Variants in SETD2 observed in about 807,000 individuals in gnomAD.
The protein encoded by SETD2 is histone-lysine N-methyltransferase SETD2.
Under a neutral mutation model 242.1 loss-of-function variants are expected in SETD2, and 31 were observed. The observed-to-expected ratio is 0.13, with a 90% confidence interval of 0.10 to 0.17. SETD2 has a LOEUF of 0.17. Ranked by LOEUF, SETD2 falls within the 10% of genes least tolerant of loss-of-function variation. The pLI is 1.00. For synonymous variants in SETD2, 1,006 were observed against 1,066.5 expected, an observed-to-expected ratio of 0.94 and a Z score of 1.11; for missense variants, 2,481 against 3,046.3, an observed-to-expected ratio of 0.81 and a Z score of 4.37.
At chr3:47,146,653 T>C (rs2043863144) in intron 1 of SETD2, among the ~76,000 whole-genome samples, 1 of 150,116 alleles carries the variant, frequency 6.7e-6, no homozygotes, top group Non-Finnish European at 1.5e-5. Context: ...TTCCTTCATA[T>C]AGGCCAGGCA....
intron 1 of SETD2, among the ~76,000 whole-genome samples, chr3:47,138,053 G>C (rs1199505394): frequency 3.6e-4 from 49 of 136,096 alleles, no homozygotes; most frequent in East Asian, 1.4e-3. Flanking sequence ...CTCACTGCAA[G>C]CTCCGCCTCC....
intron 17 of SETD2, 102 bp from the exon 18 acceptor site, chr3:47,037,879 G>T: frequency 1.2e-6 from 1 of 819,116 alleles, no homozygotes; most frequent in Non-Finnish European, 2.1e-6. Flanking sequence ...CATACAATAA[G>T]ACATAGAATA....
chr3:47,089,178 G>A (rs565059962), intron 9 of SETD2, among the ~76,000 whole-genome samples: 1 of 152,302 alleles, frequency 6.6e-6, no homozygotes, highest in African/African-American at 2.4e-5. Flanking sequence ...GGGCATGGTG[G>A]CTCACACTTG....
intron 1 of SETD2, among the ~76,000 whole-genome samples, chr3:47,138,803 T>A (rs1022059069): frequency 1.7e-4 from 26 of 152,276 alleles, no homozygotes; most frequent in South Asian, 8.3e-4. Flanking sequence ...TGGTCTCAAG[T>A]GATCTGCCCA....
chr3:47,019,860 C>A lies in SETD2; in HGVS notation c.7351-20G>T, dbSNP rs1368030680. The A allele has an allele frequency of 6.2e-7, 1 of 1,605,318 alleles. No homozygotes were observed. The highest frequency in any genetic ancestry group is 2.2e-5 in the East Asian group (1 of 44,824). Reference sequence around the variant, plus strand: ...CGAGGCCTAAAAATGGAGGAGAAAACACAGTGGTGCTGGCATGAGAAGTCA... The same window carrying A: ...CGAGGCCTAAAAATGGAGGAGAAAAAACAGTGGTGCTGGCATGAGAAGTCA... On this transcript the variant is annotated intron_variant, in intron 18 of 20. Coordinates refer to ENST00000409792, the MANE Select transcript of SETD2 (RefSeq NM_014159.7).
At chr3:47,063,545 C>T (rs1006616675) in intron 13 of SETD2, among the ~76,000 whole-genome samples, 1 of 152,104 alleles carries the variant, frequency 6.6e-6, no homozygotes, top group Non-Finnish European at 1.5e-5. Context: ...GTATTAATAA[C>T]CTTCTTAATT....
chr3:47,110,719 C>T (rs1244878290), intron 5 of SETD2, among the ~76,000 whole-genome samples: 1 of 152,042 alleles, frequency 6.6e-6, no homozygotes, highest in South Asian at 2.1e-4. Flanking sequence ...TGGTATTACA[C>T]ATCATCATGT....
At position 47,122,397 on chromosome 3, in the gene SETD2, T is replaced by C. The variant is rs771436044; in HGVS notation, c.2239A>G (p.Arg747Gly). 4 of 1,614,014 alleles carry C rather than the reference T, an allele frequency of 2.5e-6. No homozygotes were observed. Among genetic ancestry groups the C allele is most frequent in the Non-Finnish European group, 3.4e-6 (4 of 1,179,994 alleles). ...GGTGACACCAGAGGTTCTGTTTCTC[T>C]AAATGGGCTTTCTGACTTCTTATGC... is the stretch of plus-strand genomic sequence containing the variant. ...MLHKKSESPF[R>G]ETEPLVSPHQ... The change falls in exon 3 of 21, where the codon AGA (arginine) becomes GGA (glycine). Residue 747 changes from arginine (R) to glycine (G), a missense_variant. By Grantham distance (125) the Arg-to-Gly change is moderately radical. Around this residue, in one of 17 missense-constraint regions of SETD2, gnomAD observed 1,300 missense variants for 1,259.2 expected, o/e 1.03. Transcript: ENST00000409792.
chr3:47,049,555 G>T (rs2039709514), intron 15 of SETD2, among the ~76,000 whole-genome samples: 1 of 146,536 alleles, frequency 6.8e-6, no homozygotes, highest in Admixed American at 6.8e-5. Context: ...TGTATTTTTA[G>T]TAGAGATGGG....
At chr3:47,072,034 C>A (rs144339561) in intron 12 of SETD2, among the ~76,000 whole-genome samples, 2 of 152,118 alleles carry the variant, frequency 1.3e-5, no homozygotes, top group African/African-American at 4.8e-5. Context: ...ATTGGTGGGG[C>A]GCAGTGGCTC....
At chr3:47,095,924 T>C (rs1487207763) in intron 9 of SETD2, among the ~76,000 whole-genome samples, 1 of 152,172 alleles carries the variant, frequency 6.6e-6, no homozygotes. Flanking sequence ...ATCTCATTTC[T>C]TTTTCTTTTT....
At position 47,088,191 on chromosome 3, in the gene SETD2, G is replaced by A. The variant is rs1352654027; in HGVS notation, c.5199C>T (p.Asn1733=). Residue 1733 remains asparagine (N), a synonymous_variant, in exon 10 of 21, where the codon AAC becomes AAT. Coordinates refer to ENST00000409792, the MANE Select transcript of SETD2 (RefSeq NM_014159.7). ...MENGEGLSDK[N]QVLSLSRLMV... is the part of the protein sequence containing the mutation. Reference sequence around the variant, plus strand: ...TTAGCCGGGATAAGCTGAGCACCTGGTTTTTATCAGAGAGACCCTCACCAT... The same window carrying A: ...TTAGCCGGGATAAGCTGAGCACCTGATTTTTATCAGAGAGACCCTCACCAT... 1 of 1,613,572 alleles carries A rather than the reference G, an allele frequency of 6.2e-7. No homozygotes were observed. Among genetic ancestry groups the A allele is most frequent in the South Asian group, 1.1e-5 (1 of 91,066 alleles).
intron 9 of SETD2, among the ~76,000 whole-genome samples, chr3:47,088,884 T>C (rs1323120190): frequency 2.0e-5 from 3 of 152,262 alleles, no homozygotes; most frequent in African/African-American, 7.2e-5. Flanking sequence ...TTCATAAGAA[T>C]GTTCATTGAA....
rs2106675011 is a variant in SETD2 at position 47,122,311 on chromosome 3, A to C, written c.2325T>G (p.Val775=). Reference sequence around the variant, plus strand: ...AAACCCTCGTATCAACTGGTTCTTTAACTACTGTTTTGGAATAATCCACAG... The same window carrying C: ...AAACCCTCGTATCAACTGGTTCTTTCACTACTGTTTTGGAATAATCCACAG... The part of the protein sequence containing the change: ...VMTVDYSKTV[V]KEPVDTRVSC... The change falls in exon 3 of 21, where the codon GTT becomes GTG. Residue 775 remains valine (V), a synonymous_variant. Transcript: ENST00000409792. 6.2e-7 allele frequency: 1 copy of C among 1,614,194 alleles called. No individual in the cohort carries two copies. Among genetic ancestry groups the C allele is most frequent in the Non-Finnish European group, 8.5e-7 (1 of 1,180,020 alleles).
chr3:47,152,638 C>T (rs867302075), intron 1 of SETD2, among the ~76,000 whole-genome samples: 21 of 152,248 alleles, frequency 1.4e-4, no homozygotes, highest in Middle Eastern at 6.8e-3. Context: ...ACAAGTTAGA[C>T]CACGGATTCA....
intron 1 of SETD2, among the ~76,000 whole-genome samples, chr3:47,159,775 G>A (rs554967662): frequency 2.6e-5 from 4 of 152,234 alleles, no homozygotes; most frequent in South Asian, 4.1e-4. Flanking sequence ...AGGAGTTCAA[G>A]ACCAGCGTGG....
At chr3:47,064,621 G>A (rs1200966361) in intron 13 of SETD2, 1 of 418,414 alleles carries the variant, frequency 2.4e-6, no homozygotes, top group Admixed American at 2.8e-5. Flanking sequence ...CATTTATTCA[G>A]GCTGATTTCC....
chr3:47,114,124 GTATGAC>G, intron 4 of SETD2, 120 bp from the exon 5 acceptor site: 1 of 980,410 alleles, frequency 1.0e-6, no homozygotes, highest in South Asian at 1.7e-5. Context: ...ATTAGCATAT[GTATGAC>G]TAACCCCCAA....
chr3:47,066,508 A>G (rs2040561517), intron 13 of SETD2, among the ~76,000 whole-genome samples: 1 of 152,038 alleles, frequency 6.6e-6, no homozygotes, highest in South Asian at 2.1e-4. Context: ...CACCACACTT[A>G]GCTAATATTT....
Sources: allele counts gnomAD v4.1 joint callset (sites outside exome capture counted in the v4.1 genomes callset), GRCh38; gene constraint gnomAD v4.1.1; regional missense constraint gnomAD v4.1.1; transcripts MANE v1.5; gene names NCBI Gene and HGNC (gene_info 2026-07-23, HGNC 2026-07-21).